Variants in PALLD observed in about 807,000 individuals in gnomAD.
PALLD encodes palladin, cytoskeletal associated protein.
In PALLD, 61 loss-of-function variants were observed where a neutral mutation model predicts 123.5. The observed-to-expected ratio is 0.49, with a 90% CI of 0.40 to 0.61. The LOEUF is 0.61. Among genes scored for constraint, PALLD ranks in the 20% least tolerant of loss-of-function variants. The pLI, the probability that PALLD is intolerant of heterozygous loss-of-function variation, is 0.00. For missense variants in PALLD, 1,273 were observed against 1,377.0 expected (o/e 0.92, Z 1.20); for synonymous variants, 465 against 496.4 (o/e 0.94, Z 0.84).
At chr4:168,746,225 C>T (rs1469451434) in intron 10 of PALLD, among the ~76,000 whole-genome samples, 1 of 151,342 alleles carries the variant, frequency 6.6e-6, no homozygotes, top group Non-Finnish European at 1.5e-5. Context: ...ATCAGCTTAC[C>T]CTAATTCAGC....
intron 15 of PALLD, among the ~76,000 whole-genome samples, chr4:168,906,397 A>T (rs1011457376): frequency 6.6e-6 from 1 of 152,206 alleles, no homozygotes; most frequent in Non-Finnish European, 1.5e-5. Flanking sequence ...GGACTGACTC[A>T]GTGCTCATGG....
intron 2 of PALLD, among the ~76,000 whole-genome samples, chr4:168,656,736 G>T (rs1330988826): frequency 6.6e-6 from 1 of 152,086 alleles, no homozygotes; most frequent in African/African-American, 2.4e-5. Flanking sequence ...ATTTTCATGT[G>T]CCATGCCCAA....
intron 2 of PALLD, among the ~76,000 whole-genome samples, chr4:168,555,533 C>T (rs535405273): frequency 2.0e-5 from 3 of 152,172 alleles, no homozygotes; most frequent in South Asian, 4.2e-4. Flanking sequence ...AGCAGCCTGG[C>T]GATTGTGTTC....
intron 2 of PALLD, among the ~76,000 whole-genome samples, chr4:168,554,125 A>G (rs748078558): frequency 6.6e-6 from 1 of 152,168 alleles, no homozygotes; most frequent in Non-Finnish European, 1.5e-5. Flanking sequence ...CGGCTTGTAC[A>G]TGAAGCCCGG....
chr4:168,835,408 C>T (rs1350298341), intron 10 of PALLD, among the ~76,000 whole-genome samples: 2 of 152,174 alleles, frequency 1.3e-5, no homozygotes, highest in East Asian at 1.9e-4. Flanking sequence ...CGTATTGGCT[C>T]ATTCTAGCAA....
At chr4:168,644,135 C>T (rs1337893681) in intron 2 of PALLD, among the ~76,000 whole-genome samples, 1 of 148,952 alleles carries the variant, frequency 6.7e-6, no homozygotes, top group East Asian at 2.0e-4. Context: ...GTCATCCAGG[C>T]TGGAGTGCAG....
At chr4:168,853,266 C>T (rs1445811999) in intron 10 of PALLD, among the ~76,000 whole-genome samples, 1 of 152,118 alleles carries the variant, frequency 6.6e-6, no homozygotes, top group Non-Finnish European at 1.5e-5. Flanking sequence ...AAGTCAAATA[C>T]AGGTTGTTTT....
intron 3 of PALLD, among the ~76,000 whole-genome samples, chr4:168,671,386 A>G (rs1019462819): frequency 2.0e-5 from 3 of 152,206 alleles, no homozygotes; most frequent in Non-Finnish European, 4.4e-5. Context: ...TCGGGACTTC[A>G]ACAGAGATAG....
At chr4:168,687,451 C>T (rs1782181234) in intron 6 of PALLD, among the ~76,000 whole-genome samples, 2 of 152,212 alleles carry the variant, frequency 1.3e-5, no homozygotes, top group South Asian at 4.1e-4. Flanking sequence ...GAGTTTTGCA[C>T]AAGCAGCTTC....
At chr4:168,889,082 T>C (rs950701013) in intron 10 of PALLD, among the ~76,000 whole-genome samples, 2 of 152,014 alleles carry the variant, frequency 1.3e-5, no homozygotes, top group East Asian at 3.9e-4. Flanking sequence ...TGAAGTGACA[T>C]GAGGCACACA....
chr4:168,576,623 T>C (rs1196399911), intron 2 of PALLD, among the ~76,000 whole-genome samples: 3 of 152,186 alleles, frequency 2.0e-5, no homozygotes, highest in Admixed American at 2.0e-4. Flanking sequence ...ATTTTCTTAA[T>C]CCAGTCTATC....
At chr4:168,577,941 C>T (rs1396308280) in intron 2 of PALLD, among the ~76,000 whole-genome samples, 1 of 148,502 alleles carries the variant, frequency 6.7e-6, no homozygotes, top group Admixed American at 6.8e-5. Context: ...TGAATGGGGG[C>T]GGGGCGGGGG....
chr4:168,742,881 A>C (rs1021327318), intron 10 of PALLD, among the ~76,000 whole-genome samples: 1 of 152,224 alleles, frequency 6.6e-6, no homozygotes, highest in Non-Finnish European at 1.5e-5. Flanking sequence ...TTCAGACTAC[A>C]AAGAATGCCT....
At chr4:168,557,930 G>A (rs1408972826) in intron 2 of PALLD, among the ~76,000 whole-genome samples, 1 of 152,184 alleles carries the variant, frequency 6.6e-6, no homozygotes, top group Non-Finnish European at 1.5e-5. Flanking sequence ...AAGGTGGGGA[G>A]ATAGGACAAT....
rs751559303 is a variant in PALLD, at chr4:168,913,908, T to C, written c.2623-19T>C. The C allele has an allele frequency of 9.2e-6, 14 of 1,519,486 alleles. No individual in the cohort carries two copies. The highest frequency in any genetic ancestry group is 1.3e-5 in the Non-Finnish European group (14 of 1,093,522). 94.1% of individuals were successfully genotyped at this position (1,519,486 alleles called of 1,614,324 possible). A position where few individuals can be genotyped will look rare whatever the true frequency, so the allele number is the denominator to read the frequency against. On this transcript the variant is annotated intron_variant, in intron 15 of 21. Transcript: ENST00000505667. ...ATAGTTTTAAATAGCAAATCATTTA[T>C]TTCCTGATATTTCTACAGGGCCGCA...
intron 2 of PALLD, among the ~76,000 whole-genome samples, chr4:168,630,335 C>A (rs1775694947): frequency 6.6e-6 from 1 of 152,164 alleles, no homozygotes; most frequent in South Asian, 2.1e-4. Context: ...TAATGACATA[C>A]AAGAAGGGAC....
At chr4:168,851,350 T>G (rs1747747798) in intron 10 of PALLD, among the ~76,000 whole-genome samples, 3 of 152,304 alleles carry the variant, frequency 2.0e-5, no homozygotes, top group South Asian at 4.1e-4. Flanking sequence ...TTTTTTGCAT[T>G]CATTCCAAAC....
In PALLD at chr4:168,844,213, G is replaced by C. The variant is rs202020196; in HGVS notation, c.1965-46709G>C. 1 of 152,218 alleles carries C rather than the reference G, an allele frequency of 6.6e-6. No individual in the cohort carries two copies. The highest frequency in any genetic ancestry group is 2.1e-4 in the South Asian group (1 of 4,828). The allele number at this position is 152,218 out of a possible 1,614,324, so 9.4% of individuals were successfully genotyped here. A position where few individuals can be genotyped will look rare whatever the true frequency, so the allele number is the denominator to read the frequency against. On this transcript the variant is annotated intron_variant, in intron 10 of 21. Transcript: ENST00000505667. This position sits in a 1 kb window ranked among gnomAD's most constrained non-coding sequence, Gnocchi z 4.5. The stretch of plus-strand genomic sequence containing the variant: ...CTAGAAGACTAAATAACCTGTAAAA[G>C]ATTAAAAACCATGATTGAGTGTGCC...
At chr4:168,527,596 C>T (rs1384894776) in intron 2 of PALLD, among the ~76,000 whole-genome samples, 4 of 152,196 alleles carry the variant, frequency 2.6e-5, no homozygotes, top group Non-Finnish European at 4.4e-5. Context: ...TAAGCTGCCA[C>T]AGAATTGTGT....
Sources: allele counts gnomAD v4.1 joint callset (sites outside exome capture counted in the v4.1 genomes callset), GRCh38; gene constraint gnomAD v4.1.1; non-coding constraint Gnocchi (gnomAD v3.1); transcripts MANE v1.5; gene names NCBI Gene and HGNC (gene_info 2026-07-23, HGNC 2026-07-21).